The following RAB30 variants were observed in gnomAD, a reference collection of about 807,000 sequenced individuals.
RAB30 encodes RAB30, member RAS oncogene family.
RAB30 carries 9 observed loss-of-function variants against 25.1 expected under a neutral mutation model. That is an observed-to-expected ratio of 0.36 (90% CI 0.22 to 0.63). The LOEUF (loss-of-function observed/expected upper bound fraction) is 0.63, where lower values mean the gene tolerates loss of function less well. Among genes scored for constraint, RAB30 ranks in the 20% least tolerant of loss-of-function variants. The probability of loss-of-function intolerance (pLI) is 0.69; values close to 1 mark genes in which losing one functional copy is unlikely to be tolerated. For missense variants in RAB30, 140 were observed against 243.5 expected, an observed-to-expected ratio of 0.58 and a Z score of 2.83; for synonymous variants, 77 against 86.4, an observed-to-expected ratio of 0.89 and a Z score of 0.60.
At chr11:83,003,881 C>T (rs1857136486) in intron 1 of RAB30, among the ~76,000 whole-genome samples, 1 of 152,054 alleles carries the variant, frequency 6.6e-6, no homozygotes, top group African/African-American at 2.4e-5. Flanking sequence ...CAAATAGAAC[C>T]GATTACCAGA....
intron 1 of RAB30, among the ~76,000 whole-genome samples, chr11:83,067,427 G>A (rs543972628): frequency 3.9e-5 from 6 of 152,156 alleles, no homozygotes; most frequent in South Asian, 2.1e-4. Context: ...AGAAAGCCTC[G>A]TCCAGAGCTC....
At chr11:83,043,070 T>C (rs535472559) in intron 1 of RAB30, among the ~76,000 whole-genome samples, 59 of 152,344 alleles carry the variant, frequency 3.9e-4, no homozygotes, top group Admixed American at 1.0e-3. Flanking sequence ...TCCATGCCCT[T>C]GAGCAATATG....
chr11:83,051,589 C>G (rs1858358187), intron 1 of RAB30, among the ~76,000 whole-genome samples: 1 of 152,012 alleles, frequency 6.6e-6, no homozygotes, highest in Admixed American at 6.5e-5. Context: ...TTTGTCAGAA[C>G]AGGGTAATAA....
At chr11:83,052,006 C>T (rs1858368899) in intron 1 of RAB30, among the ~76,000 whole-genome samples, 1 of 152,150 alleles carries the variant, frequency 6.6e-6, no homozygotes, top group African/African-American at 2.4e-5. Flanking sequence ...ATTTACAATA[C>T]TATAAATGAG....
At chr11:82,985,872 T>C (rs1027356476) in intron 4 of RAB30, among the ~76,000 whole-genome samples, 4 of 152,002 alleles carry the variant, frequency 2.6e-5, no homozygotes, top group African/African-American at 9.7e-5. Flanking sequence ...CCATCATGCC[T>C]GGCTAATCTC....
At chr11:83,015,046 G>A (rs1857406441) in intron 1 of RAB30, among the ~76,000 whole-genome samples, 1 of 152,204 alleles carries the variant, frequency 6.6e-6, no homozygotes, top group Non-Finnish European at 1.5e-5. Flanking sequence ...CTGTGGGACA[G>A]GTCACATAGA....
chr11:83,047,786 T>C (rs185790995), intron 1 of RAB30, among the ~76,000 whole-genome samples: 26 of 152,312 alleles, frequency 1.7e-4, no homozygotes, highest in African/African-American at 3.8e-4. Flanking sequence ...CTCTTTTTGA[T>C]TGCTAACAAT....
chr11:82,981,982 T>G lies in RAB30; in HGVS notation c.*183A>C. Reference sequence around the variant, plus strand: ...TCCAGACTGGAAAAGGGTGAAACCATTATATGTTCTGCTAATGCTGGCCTG... The same window carrying G: ...TCCAGACTGGAAAAGGGTGAAACCAGTATATGTTCTGCTAATGCTGGCCTG... On this transcript the variant is annotated 3_prime_UTR_variant, in exon 5 of 5. Coordinates refer to ENST00000527633, the MANE Select transcript of RAB30 (RefSeq NM_001286060.2). 6.8e-6 allele frequency: 5 copies of G among 730,638 alleles called. No homozygotes were observed. Among genetic ancestry groups the G allele is most frequent in the East Asian group, 2.7e-5 (1 of 37,068 alleles). The allele number at this position is 730,638 out of a possible 1,614,324, so 45.3% of individuals were successfully genotyped here.
intron 3 of RAB30, chr11:82,992,476 G>C: frequency 2.3e-6 from 1 of 436,980 alleles, no homozygotes. Flanking sequence ...CTCTGTGATG[G>C]CAAGTATCTA....
intron 1 of RAB30, among the ~76,000 whole-genome samples, chr11:83,047,133 G>T (rs1312201860): frequency 6.6e-6 from 1 of 152,166 alleles, no homozygotes; most frequent in Non-Finnish European, 1.5e-5. Flanking sequence ...TACCAAGGGG[G>T]CAAGTTGGGT....
At chr11:83,064,383 C>T (rs1056130101) in intron 1 of RAB30, among the ~76,000 whole-genome samples, 4 of 152,208 alleles carry the variant, frequency 2.6e-5, no homozygotes, top group African/African-American at 9.7e-5. Flanking sequence ...GTTGGGATTA[C>T]AAGCATAAGC....
chr11:82,986,442 T>A (rs1856739881), intron 4 of RAB30, among the ~76,000 whole-genome samples: 1 of 152,192 alleles, frequency 6.6e-6, no homozygotes, highest in South Asian at 2.1e-4. Flanking sequence ...TTAGATAAAA[T>A]CCCAAGTAGT....
chr11:83,008,673 T>C (rs1340682365), intron 1 of RAB30, among the ~76,000 whole-genome samples: 1 of 152,092 alleles, frequency 6.6e-6, no homozygotes, highest in African/African-American at 2.4e-5. Flanking sequence ...TCAGCAGGGA[T>C]GGACGCACAC....
At chr11:82,983,867 T>C (rs1856688775) in intron 4 of RAB30, among the ~76,000 whole-genome samples, 1 of 152,214 alleles carries the variant, frequency 6.6e-6, no homozygotes, top group Non-Finnish European at 1.5e-5. Flanking sequence ...TTTTTGGTGG[T>C]ACTGTTGGTA....
rs1858853436 is a variant in RAB30 at position 83,071,772 on chromosome 11, C to T, written c.-90G>A. 3.5e-6 allele frequency: 1 copy of T among 288,148 alleles called. No individual in the cohort carries two copies. Among genetic ancestry groups the T allele is most frequent in the Non-Finnish European group, 6.4e-6 (1 of 156,430 alleles). 17.8% of individuals were successfully genotyped at this position (288,148 alleles called of 1,614,324 possible). On this transcript the variant is annotated 5_prime_UTR_variant, in exon 1 of 5. Coordinates refer to ENST00000527633, the MANE Select transcript of RAB30 (RefSeq NM_001286060.2). Reference sequence around the variant, plus strand: ...AGTCACGCACGCAAGGGAAGGTCTGCGATGTCCTGAGTCCAAGGGCTGGAG... The same window carrying T: ...AGTCACGCACGCAAGGGAAGGTCTGTGATGTCCTGAGTCCAAGGGCTGGAG...
chr11:83,045,369 G>A (rs959591686), intron 1 of RAB30, among the ~76,000 whole-genome samples: 1 of 151,892 alleles, frequency 6.6e-6, no homozygotes, highest in East Asian at 1.9e-4. Flanking sequence ...GAGCTAAAAC[G>A]ACCCTCCTGC....
chr11:83,010,805 T>A (rs983069027), intron 1 of RAB30, among the ~76,000 whole-genome samples: 1 of 152,184 alleles, frequency 6.6e-6, no homozygotes, highest in Non-Finnish European at 1.5e-5. Flanking sequence ...AAAATACTCA[T>A]TACCTCTTAT....
At chr11:83,062,851 A>G (rs998452805) in intron 1 of RAB30, among the ~76,000 whole-genome samples, 4 of 151,330 alleles carry the variant, frequency 2.6e-5, no homozygotes, top group Non-Finnish European at 5.9e-5. Flanking sequence ...AAATACAAAA[A>G]AATTAGCCAG....
At chr11:83,063,002 CAAAAAAA>C (rs34529308) in intron 1 of RAB30, among the ~76,000 whole-genome samples, 9,996 of 101,796 alleles carry the variant, frequency 0.098, 774 homozygotes, top group African/African-American at 0.24. Context: ...GACTCCGTCT[CAAAAAAA>C]AAAAAAAAAA....
Sources: allele counts gnomAD v4.1 joint callset (sites outside exome capture counted in the v4.1 genomes callset), GRCh38; gene constraint gnomAD v4.1.1; transcripts MANE v1.5; gene names NCBI Gene and HGNC (gene_info 2026-07-23, HGNC 2026-07-21).